Variants in EML6 observed in about 807,000 individuals in gnomAD.
EML6 encodes the protein echinoderm microtubule-associated protein-like 6.
In EML6, 154 loss-of-function variants were observed where a neutral mutation model predicts 240.1. The observed-to-expected ratio is 0.64, with a 90% confidence interval of 0.56 to 0.73. The LOEUF (loss-of-function observed/expected upper bound fraction) is 0.73, where lower values mean the gene tolerates loss of function less well. Among genes scored for constraint, EML6 ranks in the 30% least tolerant of loss-of-function variants. The pLI, the probability that EML6 is intolerant of heterozygous loss-of-function variation, is 0.00. For synonymous variants in EML6, 1,148 were observed against 899.0 expected, an observed-to-expected ratio of 1.28 and a Z score of -4.95; for missense variants, 2,964 against 2,474.6, an observed-to-expected ratio of 1.20 and a Z score of -4.20.
At chr2:54,931,438 GAC>G (rs1382579320) in intron 28 of EML6, among the ~76,000 whole-genome samples, 3 of 152,174 alleles carry the variant, frequency 2.0e-5, no homozygotes, top group African/African-American at 7.2e-5. Flanking sequence ...ATCCTGGAAT[GAC>G]AGAGGGACAG....
At position 54,916,713 on chromosome 2, in the gene EML6, C is replaced by A. The variant is rs1020401153; in HGVS notation, c.3499-46C>A. The stretch of plus-strand genomic sequence containing the variant: ...TGCAAACTGTTTCTTTTAAATAAAA[C>A]AAACTAGGTTGTGCAAAAATATCAT... On this transcript the variant is annotated intron_variant, in intron 25 of 41. Transcript: ENST00000356458. The A allele has an allele frequency of 4.3e-6, 6 of 1,405,926 alleles. No homozygotes were observed. In the African/African-American group the frequency reaches 7.2e-5, roughly 17 times the overall value. 87.1% of individuals were successfully genotyped at this position (1,405,926 alleles called of 1,614,324 possible).
chr2:54,939,792 G>C (rs1384147349), intron 28 of EML6, among the ~76,000 whole-genome samples: 1 of 152,214 alleles, frequency 6.6e-6, no homozygotes, highest in Non-Finnish European at 1.5e-5. Context: ...CTAGGGGTGT[G>C]TCCCAAGTGG....
At chr2:54,847,408 C>G (rs144791506) in intron 8 of EML6, 78 bp from the exon 9 acceptor site, 2 of 1,454,386 alleles carry the variant, frequency 1.4e-6, no homozygotes, top group Non-Finnish European at 1.9e-6. Flanking sequence ...GTGTGGTGAG[C>G]AGCCCTTCTT....
chr2:54,906,382 T>C (rs1233717929), intron 24 of EML6, among the ~76,000 whole-genome samples: 1 of 152,182 alleles, frequency 6.6e-6, no homozygotes, highest in African/African-American at 2.4e-5. Context: ...ATCAGGGGGA[T>C]GCTGCTGTGG....
intron 28 of EML6, among the ~76,000 whole-genome samples, chr2:54,937,274 G>T (rs1279523964): frequency 2.3e-5 from 3 of 131,114 alleles, no homozygotes; most frequent in Non-Finnish European, 3.4e-5. Context: ...GCGAAACTCT[G>T]TCTCAAAAAA....
chr2:54,816,114 A>G (rs913690956), intron 3 of EML6, among the ~76,000 whole-genome samples: 1 of 152,184 alleles, frequency 6.6e-6, no homozygotes, highest in Non-Finnish European at 1.5e-5. Context: ...TTCTCCTTAT[A>G]AGTGATATCC....
At position 54,725,445 on chromosome 2, in the gene EML6, G is replaced by C. The variant is rs905270045; in HGVS notation, c.197+187G>C. Among the ~76,000 whole-genome samples, 2 of 152,088 alleles carry C rather than the reference G, an allele frequency of 1.3e-5. No individual in the cohort carries two copies. The highest frequency in any genetic ancestry group is 4.8e-5 in the African/African-American group (2 of 41,384). On this transcript the variant is annotated intron_variant, in intron 2 of 41. Transcript: ENST00000356458. This position sits in a 1 kb window ranked among gnomAD's most constrained non-coding sequence, Gnocchi z 4.3. ...GAAACAGTGTGGGGAGTGTAGGTGA[G>C]GAGGGAGAGATGTCTTTTCGCTGTA...
chr2:54,807,732 C>T (rs772179996), intron 2 of EML6, among the ~76,000 whole-genome samples: 3 of 152,138 alleles, frequency 2.0e-5, no homozygotes, highest in Non-Finnish European at 2.9e-5. Flanking sequence ...TATGTATTAC[C>T]TTTGCTTTTA....
At chr2:54,798,906 G>C (rs1055773138) in intron 2 of EML6, among the ~76,000 whole-genome samples, 11 of 152,150 alleles carry the variant, frequency 7.2e-5, no homozygotes, top group African/African-American at 2.7e-4. Flanking sequence ...TTAGCTTACA[G>C]GTGTTTCATA....
chr2:54,773,626 C>G (rs1166586603), intron 2 of EML6, among the ~76,000 whole-genome samples: 1 of 152,240 alleles, frequency 6.6e-6, no homozygotes, highest in African/African-American at 2.4e-5. Context: ...GCAATTATTT[C>G]CAATTTACAT....
At chr2:54,931,169 G>A (rs1166049380) in intron 28 of EML6, among the ~76,000 whole-genome samples, 3 of 152,026 alleles carry the variant, frequency 2.0e-5, no homozygotes, top group Admixed American at 6.6e-5. Flanking sequence ...GTGTTAGCCA[G>A]GATGGTCTCG....
At position 54,952,619 on chromosome 2, in the gene EML6, C is replaced by A; in HGVS notation, c.4239C>A (p.His1413Gln). ...STGSQSFYLE[H>Q]TDDILCLTVN... is the part of the protein sequence containing the mutation. ...GGAGCCAGAGCTTCTATCTGGAGCACACAGATGACATCCTCTGTCTCACAG... is the reference window on the plus strand; with the variant it reads ...GGAGCCAGAGCTTCTATCTGGAGCAAACAGATGACATCCTCTGTCTCACAG... The change falls in exon 31 of 42, where the codon CAC (histidine) becomes CAA (glutamine). Residue 1413 changes from histidine (H) to glutamine (Q), a missense_variant. Transcript: ENST00000356458. 3 of 1,551,144 alleles carry A rather than the reference C, an allele frequency of 1.9e-6. No homozygotes were observed. In the East Asian group the frequency reaches 7.3e-5, roughly 38 times the overall value.
intron 2 of EML6, among the ~76,000 whole-genome samples, chr2:54,741,582 G>T (rs1683635303): frequency 6.6e-6 from 1 of 152,140 alleles, no homozygotes; most frequent in Non-Finnish European, 1.5e-5. Context: ...AAAAAGAACA[G>T]AACTCCTTGG....
chr2:54,931,149 G>T (rs544300758), intron 28 of EML6, among the ~76,000 whole-genome samples: 4 of 152,042 alleles, frequency 2.6e-5, no homozygotes, highest in African/African-American at 9.6e-5. Flanking sequence ...AGTAGAGACG[G>T]GGTTTCACCG....
intron 7 of EML6, among the ~76,000 whole-genome samples, chr2:54,840,943 A>G (rs1234754813): frequency 1.3e-5 from 2 of 152,268 alleles, no homozygotes; most frequent in Non-Finnish European, 2.9e-5. Context: ...TAATAAAAGT[A>G]GATGATGCAA....
chr2:54,885,644 C>T (rs1011529456), intron 17 of EML6, among the ~76,000 whole-genome samples: 15 of 152,008 alleles, frequency 9.9e-5, no homozygotes, highest in Non-Finnish European at 8.8e-5. Context: ...TGGAGTCTTG[C>T]TCTTTCTCCC....
chr2:54,935,179 C>T (rs963938505), intron 28 of EML6, among the ~76,000 whole-genome samples: 12 of 152,082 alleles, frequency 7.9e-5, no homozygotes, highest in African/African-American at 2.9e-4. Flanking sequence ...GTGTACGTGT[C>T]GTTTTTGTAG....
chr2:54,924,564 A>G lies in EML6; in HGVS notation c.3676-3749A>G, dbSNP rs553364100. 3.1e-4 allele frequency among the ~76,000 whole-genome samples: 47 copies of G among 152,046 alleles called. No homozygotes were observed. The South Asian group carries it at 8.7e-3, about 28-fold the overall frequency. ...TCACTTATTTTTTTTTAAAAAAATT[A>G]TTTATTATTTTTCAAGATGGAGTTT... On this transcript the variant is annotated intron_variant, in intron 26 of 41. Transcript: ENST00000356458.
chr2:54,898,182 C>T (rs1323147717), intron 21 of EML6, among the ~76,000 whole-genome samples: 1 of 152,058 alleles, frequency 6.6e-6, no homozygotes, highest in Non-Finnish European at 1.5e-5. Context: ...AAGCAGGATC[C>T]TAAGCCCATT....
Sources: allele counts gnomAD v4.1 joint callset (sites outside exome capture counted in the v4.1 genomes callset), GRCh38; gene constraint gnomAD v4.1.1; non-coding constraint Gnocchi (gnomAD v3.1); transcripts MANE v1.5; gene names NCBI Gene and HGNC (gene_info 2026-07-23, HGNC 2026-07-21).